The following CAMTA1 variants were observed in gnomAD, a reference collection of about 807,000 sequenced individuals.
The protein encoded by CAMTA1 is calmodulin-binding transcription activator 1.
Under a neutral mutation model 170.9 loss-of-function variants are expected in CAMTA1, and 27 were observed. That is an observed-to-expected ratio of 0.16 (90% CI 0.12 to 0.22). The LOEUF is 0.22. Ranked by LOEUF, CAMTA1 falls within the 10% of genes least tolerant of loss-of-function variation. The probability of loss-of-function intolerance (pLI) is 1.00; values close to 1 mark genes in which losing one functional copy is unlikely to be tolerated. For synonymous variants in CAMTA1, 833 were observed against 891.5 expected, an observed-to-expected ratio of 0.93 and a Z score of 1.17; for missense variants, 1,619 against 2,217.2, an observed-to-expected ratio of 0.73 and a Z score of 5.42.
At chr1:7,139,063 T>C (rs1005953256) in intron 4 of CAMTA1, among the ~76,000 whole-genome samples, 1 of 141,704 alleles carries the variant, frequency 7.1e-6, no homozygotes, top group African/African-American at 2.7e-5. Context: ...TTATATTTAT[T>C]ATTTGTTTAT....
At chr1:7,149,504 C>G (rs149541413) in intron 4 of CAMTA1, among the ~76,000 whole-genome samples, 1 of 152,204 alleles carries the variant, frequency 6.6e-6, no homozygotes, top group Admixed American at 6.5e-5. Context: ...GGTTTCGTAA[C>G]GGCCGTGTGG....
chr1:7,021,916 G>A (rs1396742272), intron 3 of CAMTA1, among the ~76,000 whole-genome samples: 2 of 152,128 alleles, frequency 1.3e-5, no homozygotes, highest in Non-Finnish European at 2.9e-5. Flanking sequence ...AACAGCCACC[G>A]CCGTTCAGTG....
At chr1:7,143,547 TCCTTCCGCCAGGAGCTCCTTCCAATA>T (rs1463272724) in intron 4 of CAMTA1, among the ~76,000 whole-genome samples, 1 of 152,172 alleles carries the variant, frequency 6.6e-6, no homozygotes, top group Non-Finnish European at 1.5e-5. Context: ...GTGCAGGATC[TCCTTCCGCCAGGAGCTCCTTCCAATA>T]CCTTCCAACC....
chr1:6,830,622 C>T (rs893775155), intron 3 of CAMTA1, among the ~76,000 whole-genome samples: 2 of 151,964 alleles, frequency 1.3e-5, no homozygotes, highest in Non-Finnish European at 1.5e-5. Context: ...GGATTACAGG[C>T]GTGAGCCACG....
intron 11 of CAMTA1, among the ~76,000 whole-genome samples, chr1:7,727,341 C>A (rs1038214928): frequency 6.6e-6 from 1 of 152,170 alleles, no homozygotes; most frequent in Non-Finnish European, 1.5e-5. Flanking sequence ...CCAGGATGGT[C>A]TGGATCTCCT....
rs1439562947 is a variant in CAMTA1 at position 7,455,773 on chromosome 1, CAGG to C, written c.439-12054_439-12052del. On this transcript the variant is annotated intron_variant, in intron 5 of 22. Coordinates refer to ENST00000303635, the MANE Select transcript of CAMTA1 (RefSeq NM_015215.4). The surrounding 1 kb of genome is among the most constrained non-coding windows in gnomAD (Gnocchi z 5.0). ...TGCCAGCCCCGCAGACGCCTGCCCA[CAGG>C]AGAAGAGAGCCACTGATTTCTGGGC... Among the ~76,000 whole-genome samples the C allele has an allele frequency of 6.6e-6, 1 of 152,244 alleles. No individual in the cohort carries two copies. Among genetic ancestry groups the C allele is most frequent in the African/African-American group, 2.4e-5 (1 of 41,468 alleles).
At chr1:7,528,626 G>C (rs927042923) in intron 6 of CAMTA1, among the ~76,000 whole-genome samples, 18 of 152,036 alleles carry the variant, frequency 1.2e-4, no homozygotes, top group Non-Finnish European at 2.5e-4. Context: ...CACAGTGGCT[G>C]GTCCTGGGAA....
At chr1:7,713,733 C>T (rs1558198279) in intron 11 of CAMTA1, among the ~76,000 whole-genome samples, 2 of 152,028 alleles carry the variant, frequency 1.3e-5, no homozygotes, top group Non-Finnish European at 2.9e-5. Context: ...TCTTTGAGCC[C>T]CCTGAAATTG....
At chr1:6,866,694 A>G (rs1230492493) in intron 3 of CAMTA1, among the ~76,000 whole-genome samples, 2 of 152,228 alleles carry the variant, frequency 1.3e-5, no homozygotes, top group East Asian at 3.8e-4. Context: ...AAATAGGAGT[A>G]TATCTAAAGC....
chr1:7,708,878 T>G (rs1280740610), intron 11 of CAMTA1, among the ~76,000 whole-genome samples: 1 of 152,234 alleles, frequency 6.6e-6, no homozygotes, highest in Non-Finnish European at 1.5e-5. Flanking sequence ...TGATAAGTCA[T>G]GTAAATAAAT....
At chr1:7,502,798 T>A (rs2149810689) in intron 6 of CAMTA1, among the ~76,000 whole-genome samples, 1 of 152,286 alleles carries the variant, frequency 6.6e-6, no homozygotes, top group Admixed American at 6.5e-5. Context: ...GTGGGGGATG[T>A]GTAGTACGTT....
intron 5 of CAMTA1, among the ~76,000 whole-genome samples, chr1:7,458,451 A>G (rs1459275306): frequency 2.0e-5 from 3 of 152,110 alleles, no homozygotes; most frequent in Non-Finnish European, 4.4e-5. Flanking sequence ...TGTGTCCACT[A>G]TGGCAGAAAG....
At chr1:7,602,149 TCCCTC>T (rs2095452090) in intron 6 of CAMTA1, among the ~76,000 whole-genome samples, 3 of 128,604 alleles carry the variant, frequency 2.3e-5, no homozygotes, top group Admixed American at 7.8e-5. Context: ...CCTTCCTCCC[TCCCTC>T]CCTCCCTCCT....
At chr1:6,811,231 T>G (rs1472391089) in intron 1 of CAMTA1, among the ~76,000 whole-genome samples, 4 of 152,236 alleles carry the variant, frequency 2.6e-5, no homozygotes, top group Non-Finnish European at 4.4e-5. Flanking sequence ...GTAATTCATA[T>G]GAAGTGTTTT....
At chr1:7,756,024 G>A (rs946405857) in intron 22 of CAMTA1, among the ~76,000 whole-genome samples, 3 of 152,070 alleles carry the variant, frequency 2.0e-5, no homozygotes, top group Admixed American at 1.3e-4. Context: ...TTCAGCCAGT[G>A]GCTTTTTGTG....
chr1:7,169,929 C>A (rs935340568), intron 4 of CAMTA1, among the ~76,000 whole-genome samples: 2 of 152,134 alleles, frequency 1.3e-5, no homozygotes, highest in East Asian at 1.9e-4. Context: ...CAATATTATC[C>A]TTTTTAATCA....
chr1:7,568,957 AT>A (rs2095086930), intron 6 of CAMTA1, among the ~76,000 whole-genome samples: 1 of 151,384 alleles, frequency 6.6e-6, no homozygotes, highest in South Asian at 2.1e-4. Flanking sequence ...CACCATCTCC[AT>A]TATCATCATC....
intron 5 of CAMTA1, among the ~76,000 whole-genome samples, chr1:7,384,181 A>T (rs1468149326): frequency 6.6e-6 from 1 of 152,198 alleles, no homozygotes; most frequent in East Asian, 1.9e-4. Context: ...GGGGGAATGG[A>T]GCGAAAGATG....
At chr1:7,459,212 C>T (rs1366808794) in intron 5 of CAMTA1, among the ~76,000 whole-genome samples, 1 of 152,182 alleles carries the variant, frequency 6.6e-6, no homozygotes, top group Non-Finnish European at 1.5e-5. Context: ...CTGTTCCTAG[C>T]CGGGTGACCT....
Sources: gnomAD v4.1 joint callset for allele counts (sites outside exome capture counted in the v4.1 genomes callset) on GRCh38, gnomAD v4.1.1 for gene constraint, Gnocchi (gnomAD v3.1) non-coding constraint, MANE v1.5 for transcripts, NCBI Gene and HGNC (gene_info 2026-07-23, HGNC 2026-07-21) for gene names.